Variants in PARP1 observed in about 807,000 individuals in gnomAD.
PARP1 encodes the protein poly(ADP-ribose) polymerase 1.
PARP1 carries 44 observed loss-of-function variants against 118.7 expected under a neutral mutation model. The observed-to-expected ratio is 0.37, with a 90% CI of 0.29 to 0.48. The LOEUF (loss-of-function observed/expected upper bound fraction) is 0.48. Ranked by LOEUF, PARP1 falls within the 20% of genes least tolerant of loss-of-function variation. PARP1 has a pLI of 0.99. For missense variants in PARP1, 1,100 were observed against 1,272.4 expected (o/e 0.86, Z 2.06); for synonymous variants, 492 against 483.2 (o/e 1.02, Z -0.24).
intron 8 of PARP1, 54 bp downstream of exon 8, chr1:226,382,982 T>TG: frequency 6.3e-7 from 1 of 1,592,520 alleles, no homozygotes; most frequent in Non-Finnish European, 8.6e-7. Context: ...CAGCAAGTAG[T>TG]GGGCAAACAA....
At position 226,362,101 on chromosome 1, in the gene PARP1, C is replaced by T. The variant is rs770215110; in HGVS notation, c.2849-18G>A. The T allele has an allele frequency of 7.0e-7, 1 of 1,421,696 alleles. No individual in the cohort carries two copies. 88.1% of individuals were successfully genotyped at this position (1,421,696 alleles called of 1,614,324 possible). Reference sequence around the variant, plus strand: ...GCCCAAACCTGAAAAACAGAAGTCACAAGTGACATGAACTGTGAGTACAGA... The same window carrying T: ...GCCCAAACCTGAAAAACAGAAGTCATAAGTGACATGAACTGTGAGTACAGA... On this transcript the variant is annotated intron_variant, in intron 21 of 22. Coordinates refer to ENST00000366794, the MANE Select transcript of PARP1 (RefSeq NM_001618.4).
At chr1:226,387,256 T>A (rs1204085348) in intron 5 of PARP1, among the ~76,000 whole-genome samples, 2 of 152,214 alleles carry the variant, frequency 1.3e-5, no homozygotes, top group Non-Finnish European at 2.9e-5. Flanking sequence ...GTGCTGGGAT[T>A]ACAGGTGCTC....
intron 1 of PARP1, among the ~76,000 whole-genome samples, 178 bp downstream of exon 1, chr1:226,407,632 C>T (rs1006357539): frequency 6.6e-6 from 1 of 152,054 alleles, no homozygotes; most frequent in Admixed American, 6.5e-5. Context: ...GCAAAACCTT[C>T]CGGAAGGGTC....
intron 2 of PARP1, chr1:226,392,997 G>C (rs191707700): frequency 2.0e-6 from 3 of 1,523,628 alleles, no homozygotes; most frequent in African/African-American, 2.9e-5. Context: ...AGTGCATTAA[G>C]GAAAGAAAAA....
intron 12 of PARP1, among the ~76,000 whole-genome samples, chr1:226,378,500 A>C (rs1376907036): frequency 6.6e-6 from 1 of 152,230 alleles, no homozygotes; most frequent in Non-Finnish European, 1.5e-5. Flanking sequence ...TATTTGCTTC[A>C]AAGTTTTAAA....
chr1:226,365,490 G>A (rs992410962), intron 18 of PARP1, among the ~76,000 whole-genome samples: 1 of 152,206 alleles, frequency 6.6e-6, no homozygotes, highest in African/African-American at 2.4e-5. Flanking sequence ...CCAAACTACT[G>A]TATAAGACTG....
intron 12 of PARP1, 92 bp from the exon 13 acceptor site, chr1:226,377,395 G>T: frequency 3.1e-6 from 3 of 958,968 alleles, no homozygotes; most frequent in Admixed American, 3.4e-5. Flanking sequence ...TTCACGTGGG[G>T]AAGAATTTTA....
intron 8 of PARP1, among the ~76,000 whole-genome samples, chr1:226,381,641 A>G (rs796318544): frequency 2.6e-5 from 4 of 152,338 alleles, no homozygotes; most frequent in African/African-American, 9.6e-5. Context: ...CCCATTTTAA[A>G]ATGAGACATG....
chr1:226,388,863 G>C lies in PARP1; in HGVS notation c.618-108C>G, dbSNP rs550150109. ...ATGTCATTCTATCAACTCCCTGTAG[G>C]GCCTACTCACACTTGTCACTCCCTA... On this transcript the variant is annotated intron_variant, in intron 4 of 22. Transcript: ENST00000366794. 42 of 866,840 alleles carry C rather than the reference G, an allele frequency of 4.8e-5. No homozygotes were observed. In the African/African-American group the frequency reaches 6.6e-4, roughly 14 times the overall value. 53.7% of individuals were successfully genotyped at this position (866,840 alleles called of 1,614,324 possible).
rs1664449653 is a variant in PARP1 at position 226,374,341 on chromosome 1, A to G, written c.1955T>C (p.Val652Ala). 1 of 1,614,166 alleles carries G rather than the reference A, an allele frequency of 6.2e-7. No homozygotes were observed. The change falls in exon 14 of 23, where the codon GTG becomes GCG. Residue 652 changes from valine (V) to alanine (A), a missense_variant. By Grantham distance (64) the Val-to-Ala change is moderately conservative. This residue lies in a region of PARP1 where 948 missense variants were observed against 1,031.8 expected (regional missense o/e 0.92). Coordinates refer to ENST00000366794, the MANE Select transcript of PARP1 (RefSeq NM_001618.4). ...GCCAGGATTTACTGTCAGCTTCTTC[A>G]CTGCCTCTTCATCCTTCAGGAAAAA... ...EIDYGQDEEA[V>A]KKLTVNPGTK...
intron 1 of PARP1, among the ~76,000 whole-genome samples, chr1:226,406,334 G>A (rs1280681098): frequency 6.6e-6 from 1 of 152,176 alleles, no homozygotes; most frequent in African/African-American, 2.4e-5. Flanking sequence ...CACAGACCCT[G>A]GGTTAAGAGC....
chr1:226,368,050 G>T, intron 16 of PARP1, 149 bp downstream of exon 16: 1 of 1,069,016 alleles, frequency 9.4e-7, no homozygotes, highest in South Asian at 1.3e-5. Context: ...CCATCAATGT[G>T]GGTAGAAACC....
rs1664694420 is a variant in PARP1 at position 226,385,360 on chromosome 1, A to C, written c.1011+144T>G. 5 of 732,556 alleles carry C rather than the reference A, an allele frequency of 6.8e-6. No individual in the cohort carries two copies. In the East Asian group the frequency reaches 1.3e-4, roughly 20 times the overall value. The allele number at this position is 732,556 out of a possible 1,614,324, so 45.4% of individuals were successfully genotyped here. ...GTAGTTTGCAAACATGTAATTTTAT[A>C]TTCTGGTAAACAGGATGACGCAGCT... On this transcript the variant is annotated intron_variant, in intron 7 of 22. Coordinates refer to ENST00000366794, the MANE Select transcript of PARP1 (RefSeq NM_001618.4).
At position 226,392,945 on chromosome 1, in the gene PARP1, T is replaced by C. The variant is rs541147195; in HGVS notation, c.287-631A>G. The C allele has an allele frequency of 2.7e-5, 42 of 1,572,758 alleles. No homozygotes were observed. In the African/African-American group the frequency reaches 5.1e-4, roughly 19 times the overall value. On this transcript the variant is annotated intron_variant, in intron 2 of 22. Coordinates refer to ENST00000366794, the MANE Select transcript of PARP1 (RefSeq NM_001618.4). Reference sequence around the variant, plus strand: ...AGATTAGGAATAAGACGAAGCTATCTTCCCATCACTTCTATTCCACATGGT... The same window carrying C: ...AGATTAGGAATAAGACGAAGCTATCCTCCCATCACTTCTATTCCACATGGT...
At chr1:226,395,003 G>T (rs1664888491) in intron 2 of PARP1, among the ~76,000 whole-genome samples, 1 of 152,072 alleles carries the variant, frequency 6.6e-6, no homozygotes, top group African/African-American at 2.4e-5. Context: ...CTTTTAACAT[G>T]AGAAGAGTAA....
At chr1:226,365,544 A>G (rs1341849785) in intron 18 of PARP1, among the ~76,000 whole-genome samples, 1 of 152,222 alleles carries the variant, frequency 6.6e-6, no homozygotes, top group Non-Finnish European at 1.5e-5. Context: ...ACGCAGGCGG[A>G]TCATCTGAGG....
intron 22 of PARP1, 149 bp downstream of exon 22, chr1:226,361,820 G>A (rs1007476484): frequency 4.3e-6 from 3 of 705,384 alleles, no homozygotes; most frequent in Non-Finnish European, 7.8e-6. Context: ...TGCACAGGGA[G>A]GGACCACAGA....
chr1:226,391,203 C>A (rs1467349997), intron 3 of PARP1, among the ~76,000 whole-genome samples: 2 of 152,106 alleles, frequency 1.3e-5, no homozygotes, highest in East Asian at 3.9e-4. Context: ...TCAAGCAATA[C>A]TCCTGCCTCA....
At chr1:226,385,335 G>A (rs949721538) in intron 7 of PARP1, among the ~76,000 whole-genome samples, 169 bp downstream of exon 7, 3 of 152,190 alleles carry the variant, frequency 2.0e-5, no homozygotes, top group Admixed American at 6.5e-5. Flanking sequence ...CTACATTTGC[G>A]TAGTTTGCAA....
Sources: gnomAD v4.1 joint callset for allele counts (sites outside exome capture counted in the v4.1 genomes callset) on GRCh38, gnomAD v4.1.1 for gene constraint, gnomAD v4.1.1 regional missense constraint, MANE v1.5 for transcripts, NCBI Gene and HGNC (gene_info 2026-07-23, HGNC 2026-07-21) for gene names.